The following SEC63 variants were observed in gnomAD, a reference collection of about 807,000 sequenced individuals.
The protein encoded by SEC63 is SEC63 protein translocation regulator.
In SEC63, 56 loss-of-function variants were observed where a neutral mutation model predicts 116.2. The ratio of observed to expected loss-of-function variants is 0.48; its 90% CI spans 0.39 to 0.60. The LOEUF is 0.60. Ranked by LOEUF, SEC63 falls within the 20% of genes least tolerant of loss-of-function variation. SEC63 has a pLI of 0.00. For missense variants in SEC63, 668 were observed against 900.0 expected, an observed-to-expected ratio of 0.74 and a Z score of 3.30; for synonymous variants, 273 against 294.6, an observed-to-expected ratio of 0.93 and a Z score of 0.75.
chr6:107,937,468 G>A (rs900698948), intron 1 of SEC63, among the ~76,000 whole-genome samples: 1 of 152,160 alleles, frequency 6.6e-6, no homozygotes, highest in African/African-American at 2.4e-5. Flanking sequence ...AGACACCTGG[G>A]TTGGTACCAT....
At chr6:107,921,003 A>G (rs1048422396) in intron 4 of SEC63, among the ~76,000 whole-genome samples, 5 of 152,228 alleles carry the variant, frequency 3.3e-5, no homozygotes, top group African/African-American at 1.2e-4. Context: ...CTGAGCAGTG[A>G]AAAAGGAGAC....
In SEC63 at chr6:107,921,922, A is replaced by AGGGG. The variant is rs756849940; in HGVS notation, c.340-14_340-13insCCCC. ...CTACTGTGGCTCCCTGGGGAAAAAC[A>AGGGG]AAAAAAAAAAACAAGCTTTCTGTTA... On this transcript the variant is annotated splice_polypyrimidine_tract_variant and intron_variant, in intron 3 of 20. Transcript: ENST00000369002. The AGGGG allele has an allele frequency of 4.4e-5, 42 of 964,116 alleles. No homozygotes were observed. In the African/African-American group the frequency reaches 4.8e-4, roughly 11 times the overall value. 59.7% of individuals were successfully genotyped at this position (964,116 alleles called of 1,614,324 possible).
chr6:107,899,964 C>A (rs1242511603), intron 13 of SEC63, among the ~76,000 whole-genome samples: 1 of 152,106 alleles, frequency 6.6e-6, no homozygotes, highest in Non-Finnish European at 1.5e-5. Context: ...CAAACTGAAA[C>A]CAGATTGCAC....
In SEC63 at chr6:107,954,276, G is replaced by C. The variant is rs531017329; in HGVS notation, c.124+3610C>G. 2.8e-3 allele frequency among the ~76,000 whole-genome samples: 420 copies of C among 151,598 alleles called. 3 individuals are homozygous for C. Among genetic ancestry groups the C allele is most frequent in the African/African-American group, 9.7e-3 (399 of 41,224 alleles). On this transcript the variant is annotated intron_variant, in intron 1 of 20. Transcript: ENST00000369002. ...ACAGATGCTTGAAGGCAGCATGCTC[G>C]TTAAGAGTCATCACCACTCCCTAAT...
chr6:107,876,879 G>T, intron 18 of SEC63: 1 of 509,548 alleles, frequency 2.0e-6, no homozygotes, highest in Non-Finnish European at 3.5e-6. Flanking sequence ...GCAATTTTGG[G>T]GATTTCAATA....
chr6:107,938,299 A>G (rs1770299949), intron 1 of SEC63, among the ~76,000 whole-genome samples: 1 of 141,078 alleles, frequency 7.1e-6, no homozygotes, highest in South Asian at 2.2e-4. Flanking sequence ...CAGGCTAGAT[A>G]GACTACAGTG....
intron 1 of SEC63, among the ~76,000 whole-genome samples, chr6:107,945,806 C>G (rs1770470609): frequency 6.6e-6 from 1 of 152,078 alleles, no homozygotes; most frequent in African/African-American, 2.4e-5. Flanking sequence ...GAACAGGCAT[C>G]TAAGAAAAGA....
chr6:107,906,515 G>A lies in SEC63; in HGVS notation c.894C>T (p.Ser298=). 14 of 1,613,558 alleles carry A rather than the reference G, an allele frequency of 8.7e-6. No homozygotes were observed. Among genetic ancestry groups the A allele is most frequent in the Non-Finnish European group, 1.2e-5 (14 of 1,179,520 alleles). Residue 298 remains serine, a synonymous_variant, in exon 10 of 21, where the codon AGC becomes AGT. Coordinates refer to ENST00000369002, the MANE Select transcript of SEC63 (RefSeq NM_007214.5). ...ACAGTAAAAGAACTCTGGCCTTCAG[G>A]CTATATGGGCAGGTAAGTGGAGGCT... ...KNEPPLTCPY[S]LKARVLLLSH...
intron 7 of SEC63, among the ~76,000 whole-genome samples, chr6:107,910,743 G>GT (rs1377890520): frequency 6.6e-6 from 1 of 152,010 alleles, no homozygotes; most frequent in African/African-American, 2.4e-5. Flanking sequence ...ATATGTATCT[G>GT]TGTTAACTCA....
At position 107,951,182 on chromosome 6, in the gene SEC63, T is replaced by C. The variant is rs546176400; in HGVS notation, c.124+6704A>G. ...ACACACAAAAGGTCACAGCACAGTA[T>C]TGTTGGCAATACCAAAGATGGGTAG... On this transcript the variant is annotated intron_variant, in intron 1 of 20. Transcript: ENST00000369002. Among the ~76,000 whole-genome samples the C allele has an allele frequency of 3.3e-5, 5 of 152,352 alleles. No individual in the cohort carries two copies. The South Asian group carries it at 8.3e-4, about 25-fold the overall frequency.
At chr6:107,873,054 C>A in intron 19 of SEC63, 142 bp from the exon 20 acceptor site, 1 of 655,846 alleles carries the variant, frequency 1.5e-6, no homozygotes. Flanking sequence ...TACTAAAGTC[C>A]TTATAAACAA....
intron 1 of SEC63, among the ~76,000 whole-genome samples, chr6:107,952,260 T>C (rs942309739): frequency 6.6e-6 from 1 of 152,182 alleles, no homozygotes; most frequent in Non-Finnish European, 1.5e-5. Flanking sequence ...GTACGTTCAA[T>C]TAACATGTCA....
intron 1 of SEC63, among the ~76,000 whole-genome samples, chr6:107,939,796 T>C (rs1375628630): frequency 6.6e-6 from 1 of 152,154 alleles, no homozygotes; most frequent in African/African-American, 2.4e-5. Context: ...AAAACAATCT[T>C]TCCTTTAACC....
chr6:107,921,023 C>T (rs1003255731), intron 4 of SEC63, among the ~76,000 whole-genome samples: 1 of 152,124 alleles, frequency 6.6e-6, no homozygotes, highest in African/African-American at 2.4e-5. Flanking sequence ...CCTTAAAAAT[C>T]CACATCTCAA....
intron 4 of SEC63, among the ~76,000 whole-genome samples, chr6:107,917,844 G>A (rs1051664063): frequency 6.6e-6 from 1 of 152,214 alleles, no homozygotes; most frequent in Non-Finnish European, 1.5e-5. Context: ...CAACAGAAGT[G>A]CAAGGTGAAG....
chr6:107,952,859 CTG>C (rs1417828947), intron 1 of SEC63, among the ~76,000 whole-genome samples: 1 of 152,194 alleles, frequency 6.6e-6, no homozygotes, highest in Non-Finnish European at 1.5e-5. Context: ...TCTGAAAATA[CTG>C]TCAGAAGTCT....
At chr6:107,890,086 G>A (rs914282439) in intron 16 of SEC63, among the ~76,000 whole-genome samples, 1 of 152,198 alleles carries the variant, frequency 6.6e-6, no homozygotes, top group African/African-American at 2.4e-5. Flanking sequence ...TTCTGTAGAT[G>A]TCTATTAGGT....
At chr6:107,893,701 C>G in intron 15 of SEC63, 46 bp from the exon 16 acceptor site, 4 of 1,609,154 alleles carry the variant, frequency 2.5e-6, no homozygotes, top group Non-Finnish European at 3.4e-6. Flanking sequence ...GCAACAGATT[C>G]AATTGAAGGT....
At chr6:107,941,567 C>T (rs1770376610) in intron 1 of SEC63, among the ~76,000 whole-genome samples, 1 of 151,770 alleles carries the variant, frequency 6.6e-6, no homozygotes, top group African/African-American at 2.4e-5. Context: ...AAAAAATCCA[C>T]CAATCCAACA....
Sources: gnomAD v4.1 joint callset for allele counts (sites outside exome capture counted in the v4.1 genomes callset) on GRCh38, gnomAD v4.1.1 for gene constraint, MANE v1.5 for transcripts, NCBI Gene and HGNC (gene_info 2026-07-23, HGNC 2026-07-21) for gene names.